SLC35F4: variants seen among roughly 807,000 people sequenced by gnomAD.
SLC35F4 encodes solute carrier family 35 member F4.
A neutral mutation model predicts 44.2 loss-of-function variants in SLC35F4; 24 were observed. The observed-to-expected ratio is 0.54, with a 90% CI of 0.39 to 0.76. SLC35F4 has a LOEUF of 0.76. Among genes scored for constraint, SLC35F4 ranks in the 30% least tolerant of loss-of-function variants. SLC35F4 has a pLI of 0.00. For synonymous variants in SLC35F4, 238 were observed against 223.6 expected, an observed-to-expected ratio of 1.06 and a Z score of -0.57; for missense variants, 562 against 586.1, an observed-to-expected ratio of 0.96 and a Z score of 0.42.
chr14:57,661,719 G>A (rs1411517272), intron 1 of SLC35F4, among the ~76,000 whole-genome samples: 2 of 152,182 alleles, frequency 1.3e-5, no homozygotes, highest in African/African-American at 2.4e-5. Context: ...AAATTCTAGA[G>A]CTATGATTCT....
intron 1 of SLC35F4, among the ~76,000 whole-genome samples, chr14:57,838,506 T>TA (rs2140953970): frequency 6.6e-6 from 1 of 152,332 alleles, no homozygotes; most frequent in East Asian, 1.9e-4. Context: ...AACACATCTT[T>TA]ACTGAGCTTT....
At chr14:57,886,030 T>A (rs1218243577) in intron 1 of SLC35F4, among the ~76,000 whole-genome samples, 1 of 152,212 alleles carries the variant, frequency 6.6e-6, no homozygotes, top group Non-Finnish European at 1.5e-5. Flanking sequence ...ATGACTATAA[T>A]AGGAAATTTA....
At chr14:57,906,909 G>T (rs2141048766) in intron 1 of SLC35F4, among the ~76,000 whole-genome samples, 1 of 152,238 alleles carries the variant, frequency 6.6e-6, no homozygotes, top group African/African-American at 2.4e-5. Flanking sequence ...ATGCTTCCCG[G>T]ATACAACAGG....
At chr14:57,706,880 C>T (rs1737393223) in intron 1 of SLC35F4, among the ~76,000 whole-genome samples, 2 of 152,148 alleles carry the variant, frequency 1.3e-5, no homozygotes, top group South Asian at 2.1e-4. Flanking sequence ...CAATAGGAAG[C>T]TATTGAAGGG....
intron 1 of SLC35F4, among the ~76,000 whole-genome samples, chr14:57,813,686 A>G (rs374936037): frequency 1.4e-4 from 22 of 152,360 alleles, no homozygotes; most frequent in African/African-American, 4.8e-4. Context: ...AAGCAGCTCA[A>G]TCAAGTGTGC....
chr14:57,705,939 G>A (rs1463935290), intron 1 of SLC35F4, among the ~76,000 whole-genome samples: 1 of 152,112 alleles, frequency 6.6e-6, no homozygotes, highest in East Asian at 1.9e-4. Flanking sequence ...AAAGAACAAT[G>A]TGTTCAGGGT....
chr14:57,786,415 A>C (rs2077760421), intron 1 of SLC35F4, among the ~76,000 whole-genome samples: 1 of 152,118 alleles, frequency 6.6e-6, no homozygotes, highest in African/African-American at 2.4e-5. Flanking sequence ...ACACTACTAC[A>C]GCTGATGCTC....
At chr14:57,668,709 T>C (rs1174286349) in intron 1 of SLC35F4, among the ~76,000 whole-genome samples, 1 of 152,122 alleles carries the variant, frequency 6.6e-6, no homozygotes, top group African/African-American at 2.4e-5. Flanking sequence ...TTAGTACCAG[T>C]ACCATGCTGT....
At chr14:57,899,239 T>A (rs1359229371) in intron 1 of SLC35F4, among the ~76,000 whole-genome samples, 1 of 152,218 alleles carries the variant, frequency 6.6e-6, no homozygotes, top group Non-Finnish European at 1.5e-5. Flanking sequence ...TCTCATTTAA[T>A]CCACTGAAAA....
At chr14:57,757,099 A>G (rs892091159) in intron 1 of SLC35F4, among the ~76,000 whole-genome samples, 3 of 152,090 alleles carry the variant, frequency 2.0e-5, no homozygotes, top group Non-Finnish European at 2.9e-5. Context: ...AACATCTAGG[A>G]CTTTTATTTC....
chr14:57,797,621 T>C (rs182197204), intron 1 of SLC35F4, among the ~76,000 whole-genome samples: 492 of 152,230 alleles, frequency 3.2e-3, no homozygotes, highest in Non-Finnish European at 5.5e-3. Context: ...CTAAAACGTA[T>C]ATAAATCTAC....
chr14:57,719,199 C>G (rs958670035), intron 1 of SLC35F4, among the ~76,000 whole-genome samples: 2 of 152,134 alleles, frequency 1.3e-5, no homozygotes, highest in Admixed American at 6.5e-5. Context: ...GTTTGTGTGT[C>G]TGTTTTTATG....
chr14:57,727,831 T>A (rs1395426337), intron 1 of SLC35F4, among the ~76,000 whole-genome samples: 1 of 152,234 alleles, frequency 6.6e-6, no homozygotes, highest in Non-Finnish European at 1.5e-5. Flanking sequence ...ATGAACCATG[T>A]GCTGAGGAGG....
chr14:57,832,845 A>C (rs577166743), intron 1 of SLC35F4, among the ~76,000 whole-genome samples: 1 of 152,342 alleles, frequency 6.6e-6, no homozygotes, highest in Non-Finnish European at 1.5e-5. Context: ...CACTGATAAA[A>C]AATTTTTTCA....
intron 1 of SLC35F4, among the ~76,000 whole-genome samples, chr14:57,832,889 T>C (rs553345269): frequency 7.9e-5 from 12 of 152,312 alleles, no homozygotes; most frequent in Non-Finnish European, 1.3e-4. Context: ...GAAAACGTGG[T>C]GAAATATTTC....
chr14:57,644,387 C>T (rs1353548366), intron 1 of SLC35F4, among the ~76,000 whole-genome samples: 13 of 151,822 alleles, frequency 8.6e-5, no homozygotes, highest in African/African-American at 2.4e-4. Context: ...AGCATTTTTT[C>T]GAGTGTTTTT....
intron 1 of SLC35F4, among the ~76,000 whole-genome samples, chr14:57,895,792 A>T (rs1397943431): frequency 6.6e-6 from 1 of 152,052 alleles, no homozygotes; most frequent in Non-Finnish European, 1.5e-5. Flanking sequence ...CTTTATAGCA[A>T]TGTGAGAACA....
intron 1 of SLC35F4, among the ~76,000 whole-genome samples, chr14:57,823,774 A>G (rs538127554): frequency 3.3e-5 from 5 of 152,320 alleles, no homozygotes; most frequent in Non-Finnish European, 5.9e-5. Flanking sequence ...TTAATTATTA[A>G]AAATCAGTTT....
At chr14:57,912,719 G>A (rs1353558481) in intron 1 of SLC35F4, among the ~76,000 whole-genome samples, 3 of 151,960 alleles carry the variant, frequency 2.0e-5, no homozygotes, top group African/African-American at 7.2e-5. Context: ...TTCCATGTGA[G>A]CTTTAGAATA....
Sources: gnomAD v4.1 joint callset for allele counts (sites outside exome capture counted in the v4.1 genomes callset) on GRCh38, gnomAD v4.1.1 for gene constraint, MANE v1.5 for transcripts, NCBI Gene and HGNC (gene_info 2026-07-23, HGNC 2026-07-21) for gene names.